DOCK2: variants seen among roughly 807,000 people sequenced by gnomAD.
The protein encoded by DOCK2 is dedicator of cytokinesis protein 2.
Under a neutral mutation model 248.9 loss-of-function variants are expected in DOCK2, and 87 were observed. That is an observed-to-expected ratio of 0.35 (90% CI 0.29 to 0.42). The LOEUF (loss-of-function observed/expected upper bound fraction) is 0.42, where lower values mean the gene tolerates loss of function less well. Among genes scored for constraint, DOCK2 ranks in the 10% least tolerant of loss-of-function variants. DOCK2 has a pLI of 1.00. For synonymous variants in DOCK2, 805 were observed against 821.6 expected (o/e 0.98, Z 0.35); for missense variants, 1,747 against 2,300.2 (o/e 0.76, Z 4.92).
At chr5:169,770,602 T>C (rs943903940) in intron 25 of DOCK2, among the ~76,000 whole-genome samples, 3 of 152,194 alleles carry the variant, frequency 2.0e-5, no homozygotes, top group Admixed American at 1.3e-4. Context: ...ACCCAGCCTC[T>C]TGAATCTTTT....
chr5:169,845,169 G>A (rs2113350498), intron 27 of DOCK2, among the ~76,000 whole-genome samples: 1 of 149,140 alleles, frequency 6.7e-6, no homozygotes, highest in East Asian at 2.0e-4. Flanking sequence ...TAGATCTCAA[G>A]CTGCCCTTGC....
chr5:169,682,105 C>A (rs1581026102), intron 7 of DOCK2, among the ~76,000 whole-genome samples: 1 of 152,186 alleles, frequency 6.6e-6, no homozygotes, highest in East Asian at 1.9e-4. Context: ...GTTTCTTGAT[C>A]TCTTGGAGCT....
chr5:169,641,060 C>T (rs753110352), intron 1 of DOCK2, among the ~76,000 whole-genome samples: 5 of 152,174 alleles, frequency 3.3e-5, no homozygotes, highest in Admixed American at 6.5e-5. Flanking sequence ...AAAAGCGTTG[C>T]CTTGATCGCT....
chr5:169,912,121 G>C (rs900160342), intron 27 of DOCK2, among the ~76,000 whole-genome samples: 1 of 152,092 alleles, frequency 6.6e-6, no homozygotes, highest in African/African-American at 2.4e-5. Flanking sequence ...GTGATACAAG[G>C]GACCCTGGGT....
intron 27 of DOCK2, among the ~76,000 whole-genome samples, chr5:169,887,468 A>AC (rs1387502822): frequency 6.6e-6 from 1 of 152,224 alleles, no homozygotes; most frequent in Non-Finnish European, 1.5e-5. Flanking sequence ...CAATGCTTGC[A>AC]CAGAAATTGC....
intron 27 of DOCK2, among the ~76,000 whole-genome samples, chr5:169,932,929 A>G (rs570533071): frequency 3.3e-5 from 5 of 150,456 alleles, no homozygotes; most frequent in Non-Finnish European, 7.4e-5. Flanking sequence ...TAGCAGTTCT[A>G]TAAAAAAGCC....
At chr5:169,754,663 C>T (rs1561665367) in intron 23 of DOCK2, among the ~76,000 whole-genome samples, 2 of 152,168 alleles carry the variant, frequency 1.3e-5, no homozygotes, top group Non-Finnish European at 1.5e-5. Context: ...GAATGCCTTT[C>T]CTACAGCATG....
intron 25 of DOCK2, among the ~76,000 whole-genome samples, chr5:169,789,518 C>G (rs1471475768): frequency 6.6e-6 from 1 of 152,238 alleles, no homozygotes; most frequent in Admixed American, 6.5e-5. Context: ...ATGTTGTCAT[C>G]TGTTTGCACA....
chr5:169,777,341 C>T (rs551170306), intron 25 of DOCK2, among the ~76,000 whole-genome samples: 7 of 152,152 alleles, frequency 4.6e-5, no homozygotes, highest in Non-Finnish European at 8.8e-5. Flanking sequence ...TGTGTGTGGA[C>T]GTTCCCTGCA....
At chr5:170,061,860 A>C (rs1016633830) in intron 44 of DOCK2, among the ~76,000 whole-genome samples, 4 of 152,154 alleles carry the variant, frequency 2.6e-5, no homozygotes, top group African/African-American at 9.7e-5. Context: ...ATAGATTTTC[A>C]GTACAACTCA....
intron 25 of DOCK2, among the ~76,000 whole-genome samples, chr5:169,796,454 G>A (rs754052973): frequency 6.6e-6 from 1 of 152,152 alleles, no homozygotes; most frequent in Non-Finnish European, 1.5e-5. Flanking sequence ...ATTTCTGGGT[G>A]AGTGCATGTG....
chr5:169,919,067 A>T (rs1775033827), intron 27 of DOCK2, among the ~76,000 whole-genome samples: 1 of 152,214 alleles, frequency 6.6e-6, no homozygotes, highest in Non-Finnish European at 1.5e-5. Context: ...GACTTTAACC[A>T]TAATATTTCA....
intron 27 of DOCK2, among the ~76,000 whole-genome samples, chr5:169,893,201 A>C (rs1302358018): frequency 6.6e-6 from 1 of 152,130 alleles, no homozygotes; most frequent in Admixed American, 6.6e-5. Flanking sequence ...TGTAGGGACA[A>C]TTCTGTGGTA....
intron 3 of DOCK2, among the ~76,000 whole-genome samples, 169 bp downstream of exon 3, chr5:169,669,497 G>T (rs113626483): frequency 0.016 from 2,363 of 152,140 alleles, 71 homozygotes; most frequent in African/African-American, 0.053. Context: ...GCTGTGCTCA[G>T]CTCCCTCCCA....
chr5:169,939,720 T>C (rs1053056597), intron 27 of DOCK2, among the ~76,000 whole-genome samples: 16 of 152,222 alleles, frequency 1.1e-4, no homozygotes, highest in African/African-American at 3.6e-4. Flanking sequence ...TGTATATATA[T>C]GTTTTCATAT....
chr5:169,724,532 G>A (rs1055582949), intron 22 of DOCK2, among the ~76,000 whole-genome samples: 1 of 151,996 alleles, frequency 6.6e-6, no homozygotes, highest in Non-Finnish European at 1.5e-5. Context: ...CCCTACCCCC[G>A]AGAGCCGAGA....
chr5:169,914,760 AC>A (rs1273467792), intron 27 of DOCK2, among the ~76,000 whole-genome samples: 1 of 152,122 alleles, frequency 6.6e-6, no homozygotes, highest in African/African-American at 2.4e-5. Flanking sequence ...TCTTTTAGCC[AC>A]CTTTGCCTCA....
At chr5:169,696,823 G>GTTT (rs557131206) in intron 10 of DOCK2, among the ~76,000 whole-genome samples, 1 of 137,216 alleles carries the variant, frequency 7.3e-6, no homozygotes, top group African/African-American at 2.7e-5. Context: ...TGAGCTCACT[G>GTTT]TTTTTTTTTT....
chr5:170,037,967 A>G (rs1756379063), intron 36 of DOCK2, among the ~76,000 whole-genome samples: 1 of 152,188 alleles, frequency 6.6e-6, no homozygotes, highest in South Asian at 2.1e-4. Flanking sequence ...ATATCTAGGT[A>G]CCTAGTTTAG....
Sources: gnomAD v4.1 joint callset for allele counts (sites outside exome capture counted in the v4.1 genomes callset) on GRCh38, gnomAD v4.1.1 for gene constraint, MANE v1.5 for transcripts, NCBI Gene and HGNC (gene_info 2026-07-23, HGNC 2026-07-21) for gene names.